Variants in SCAND3 observed in about 807,000 individuals in gnomAD.
The protein encoded by SCAND3 is SCAN domain-containing protein 3.
chr6:28,601,932 C>T, the SCAND3 span, among the ~76,000 whole-genome samples: 1 of 152,112 alleles, frequency 6.6e-6, no homozygotes, highest in South Asian at 2.1e-4. Context: ...TAGCTCTTTC[C>T]TACCCACCCA....
chr6:28,580,205 T>G, the SCAND3 span, among the ~76,000 whole-genome samples: 1 of 152,064 alleles, frequency 6.6e-6, no homozygotes, highest in Non-Finnish European at 1.5e-5. Context: ...ATTTTGGGAC[T>G]AATAAAAGGA....
At chr6:28,611,275 G>T in the SCAND3 span, among the ~76,000 whole-genome samples, 1 of 152,142 alleles carries the variant, frequency 6.6e-6, no homozygotes, top group East Asian at 1.9e-4. Context: ...GAAAAGTAAA[G>T]TGCTCATATA....
the SCAND3 span, among the ~76,000 whole-genome samples, chr6:28,584,114 G>C: frequency 1.3e-5 from 2 of 152,072 alleles, no homozygotes; most frequent in Non-Finnish European, 2.9e-5. Context: ...ATCATTTACA[G>C]AATTCAAAAA....
the SCAND3 span, chr6:28,571,908 C>T: frequency 1.2e-6 from 2 of 1,611,086 alleles, no homozygotes; most frequent in South Asian, 1.1e-5. Flanking sequence ...ATATTTAAAG[C>T]TTTTAATGTG....
the SCAND3 span, chr6:28,575,540 C>T: frequency 1.2e-6 from 2 of 1,613,868 alleles, no homozygotes; most frequent in Non-Finnish European, 1.7e-6. This position sits in a 1 kb window ranked among gnomAD's most constrained non-coding sequence, Gnocchi z 4.2. Context: ...AATCTGTACT[C>T]CCCATCAGGA....
the SCAND3 span, among the ~76,000 whole-genome samples, chr6:28,579,751 A>G: frequency 6.6e-6 from 1 of 152,242 alleles, no homozygotes; most frequent in Non-Finnish European, 1.5e-5. This position sits in a 1 kb window ranked among gnomAD's most constrained non-coding sequence, Gnocchi z 4.5. Flanking sequence ...GTGGTTAATT[A>G]AAAGTAAATA....
the SCAND3 span, chr6:28,590,394 C>G: frequency 6.6e-6 from 1 of 152,288 alleles, no homozygotes; most frequent in South Asian, 2.1e-4. Flanking sequence ...GCTATCTTGC[C>G]TCCCCTGAAC....
At chr6:28,590,552 GAGAGGACA>G in the SCAND3 span, 1 of 152,220 alleles carries the variant, frequency 6.6e-6, no homozygotes, top group Admixed American at 6.5e-5. Context: ...CTAGAGGACA[GAGAGGACA>G]AGAACTAAAT....
At chr6:28,584,613 C>G in the SCAND3 span, among the ~76,000 whole-genome samples, 28 of 152,318 alleles carry the variant, frequency 1.8e-4, no homozygotes, top group African/African-American at 6.5e-4. Flanking sequence ...TAGAGTACTT[C>G]CAGTCCTGCT....
chr6:28,597,280 C>T, the SCAND3 span, among the ~76,000 whole-genome samples: 3 of 152,102 alleles, frequency 2.0e-5, no homozygotes, highest in African/African-American at 7.2e-5. Context: ...CAAAGATAAA[C>T]GCTAACTAGG....
chr6:28,577,493 A>G, the SCAND3 span, among the ~76,000 whole-genome samples: 4 of 152,196 alleles, frequency 2.6e-5, no homozygotes, highest in Non-Finnish European at 5.9e-5. Context: ...GCATCTAACT[A>G]TCTTTAAGAA....
chr6:28,597,394 A>G, the SCAND3 span, among the ~76,000 whole-genome samples: 3 of 152,224 alleles, frequency 2.0e-5, no homozygotes, highest in Non-Finnish European at 4.4e-5. Context: ...TTAGCAGTCC[A>G]TCGCCTTAAC....
At chr6:28,610,117 A>T in the SCAND3 span, among the ~76,000 whole-genome samples, 1 of 152,166 alleles carries the variant, frequency 6.6e-6, no homozygotes, top group African/African-American at 2.4e-5. Flanking sequence ...CCAACTACTC[A>T]GGAGGCTGAG....
the SCAND3 span, among the ~76,000 whole-genome samples, chr6:28,612,643 T>C: frequency 6.6e-6 from 1 of 152,202 alleles, no homozygotes; most frequent in Non-Finnish European, 1.5e-5. Context: ...CAATATTTCA[T>C]ACGAATCAAA....
At chr6:28,586,313 A>G in the SCAND3 span, 5 of 1,606,888 alleles carry the variant, frequency 3.1e-6, no homozygotes, top group Non-Finnish European at 4.3e-6. The surrounding 1 kb of genome is among the most constrained non-coding windows in gnomAD (Gnocchi z 4.4). Flanking sequence ...GTCTAGGTTC[A>G]TCAAGCTCCC....
the SCAND3 span, chr6:28,597,874 C>G: frequency 6.6e-6 from 1 of 152,100 alleles, no homozygotes; most frequent in South Asian, 2.1e-4. Context: ...CTCTGTGATT[C>G]CTTATACATT....
the SCAND3 span, among the ~76,000 whole-genome samples, chr6:28,607,279 T>C: frequency 6.6e-6 from 1 of 152,170 alleles, no homozygotes; most frequent in Non-Finnish European, 1.5e-5. Context: ...CTTTCCACTT[T>C]CCTTTCTCCC....
the SCAND3 span, among the ~76,000 whole-genome samples, chr6:28,604,954 C>A: frequency 6.6e-6 from 1 of 152,180 alleles, no homozygotes; most frequent in Non-Finnish European, 1.5e-5. Context: ...GGATATATTT[C>A]TACTTCTGCC....
chr6:28,594,690 A>C, the SCAND3 span, among the ~76,000 whole-genome samples: 1 of 152,210 alleles, frequency 6.6e-6, no homozygotes, highest in African/African-American at 2.4e-5. Context: ...ATGAAATACT[A>C]TTCAGACTTT....
Sources: gnomAD v4.1 joint callset for allele counts (sites outside exome capture counted in the v4.1 genomes callset) on GRCh38, gnomAD v4.1.1 for gene constraint, Gnocchi (gnomAD v3.1) non-coding constraint, MANE v1.5 for transcripts, NCBI Gene and HGNC (gene_info 2026-07-23, HGNC 2026-07-21) for gene names.